FGGY: variants seen among roughly 807,000 people sequenced by gnomAD.
FGGY encodes the protein FGGY carbohydrate kinase domain containing, also known as FGGY carbohydrate kinase domain-containing protein.
A neutral mutation model predicts 71.3 loss-of-function variants in FGGY; 72 were observed. The ratio of observed to expected loss-of-function variants is 1.01; its 90% confidence interval spans 0.84 to 1.23. FGGY has a LOEUF of 1.23. Among genes scored for constraint, FGGY ranks in the 50% most tolerant of loss-of-function variants. The probability of loss-of-function intolerance (pLI) is 0.00; values close to 1 mark genes in which losing one functional copy is unlikely to be tolerated. For missense variants in FGGY, 668 were observed against 682.3 expected, an observed-to-expected ratio of 0.98 and a Z score of 0.23; for synonymous variants, 251 against 250.3, an observed-to-expected ratio of 1.00 and a Z score of -0.02.
At chr1:59,577,964 G>A (rs2096113824) in intron 8 of FGGY, among the ~76,000 whole-genome samples, 1 of 152,104 alleles carries the variant, frequency 6.6e-6, no homozygotes, top group South Asian at 2.1e-4. Flanking sequence ...TCCTATCTTG[G>A]AGGTTTCGAA....
chr1:59,390,563 G>A lies in FGGY; in HGVS notation c.554+11726G>A, dbSNP rs1465653913. Reference sequence around the variant, plus strand: ...TAAACAATCTTCTTAGAAGATCTACGTCATACTTGTGCTTGTATATTATTG... The same window carrying A: ...TAAACAATCTTCTTAGAAGATCTACATCATACTTGTGCTTGTATATTATTG... On this transcript the variant is annotated intron_variant, in intron 5 of 15. Transcript: ENST00000303721. 5.9e-5 allele frequency among the ~76,000 whole-genome samples: 9 copies of A among 152,122 alleles called. 1 individual carries two copies. The highest frequency in any genetic ancestry group is 2.4e-5 in the African/African-American group (1 of 41,422).
chr1:59,761,736 C>G (rs750780802), intron 15 of FGGY, among the ~76,000 whole-genome samples: 1 of 152,186 alleles, frequency 6.6e-6, no homozygotes, highest in Non-Finnish European at 1.5e-5. Flanking sequence ...AAGGCGAGCA[C>G]AGCTCTAGAA....
intron 5 of FGGY, among the ~76,000 whole-genome samples, chr1:59,392,717 C>T (rs556089633): frequency 7.3e-5 from 11 of 151,654 alleles, no homozygotes; most frequent in East Asian, 3.9e-4. Context: ...GTTTCTTTTT[C>T]GAAAAAATAT....
intron 4 of FGGY, among the ~76,000 whole-genome samples, chr1:59,351,895 T>A (rs1038899092): frequency 1.3e-5 from 2 of 151,556 alleles, no homozygotes; most frequent in Non-Finnish European, 2.9e-5. Flanking sequence ...TGGGCAGAAT[T>A]TGGGGTTTTA....
chr1:59,622,796 A>G (rs2096823040), intron 9 of FGGY, among the ~76,000 whole-genome samples: 1 of 152,176 alleles, frequency 6.6e-6, no homozygotes, highest in Admixed American at 6.6e-5. Flanking sequence ...GGGTCCACCC[A>G]TGGGCAAAAA....
chr1:59,654,247 G>A (rs12078756), intron 11 of FGGY, among the ~76,000 whole-genome samples: 11,658 of 152,198 alleles, frequency 0.077, 1,230 homozygotes, highest in African/African-American at 0.24. Context: ...TCTTCCAAGC[G>A]GGTGATTATC....
At chr1:59,602,071 C>A (rs2096583506) in intron 8 of FGGY, among the ~76,000 whole-genome samples, 1 of 152,100 alleles carries the variant, frequency 6.6e-6, no homozygotes, top group Admixed American at 6.5e-5. Context: ...ACCAGCTGGG[C>A]TAGAACAACT....
chr1:59,707,618 G>A (rs1006032737), intron 14 of FGGY, among the ~76,000 whole-genome samples: 1 of 152,164 alleles, frequency 6.6e-6, no homozygotes, highest in Non-Finnish European at 1.5e-5. Flanking sequence ...CAGAATTCTC[G>A]TCACAACAGC....
intron 10 of FGGY, among the ~76,000 whole-genome samples, chr1:59,634,531 T>C (rs894731425): frequency 8.5e-5 from 13 of 152,180 alleles, no homozygotes; most frequent in African/African-American, 3.1e-4. Flanking sequence ...TCTGATTTTT[T>C]GGTTTAAGAG....
intron 14 of FGGY, among the ~76,000 whole-genome samples, chr1:59,746,554 C>T (rs1353945138): frequency 6.6e-6 from 1 of 152,084 alleles, no homozygotes; most frequent in African/African-American, 2.4e-5. Context: ...GTGGCACAAT[C>T]GAGGTTCACT....
At chr1:59,751,238 T>C (rs1427280790) in intron 14 of FGGY, among the ~76,000 whole-genome samples, 1 of 151,428 alleles carries the variant, frequency 6.6e-6, no homozygotes, top group Non-Finnish European at 1.5e-5. Flanking sequence ...TGTCCTAATG[T>C]CCTTTTGAGG....
intron 6 of FGGY, among the ~76,000 whole-genome samples, chr1:59,492,343 A>G (rs1352690184): frequency 6.6e-6 from 1 of 152,202 alleles, no homozygotes; most frequent in African/African-American, 2.4e-5. Flanking sequence ...GGGTACTAAA[A>G]AGATGACTGG....
intron 1 of FGGY, among the ~76,000 whole-genome samples, chr1:59,317,283 G>A (rs534616015): frequency 1.3e-5 from 2 of 152,218 alleles, no homozygotes; most frequent in South Asian, 2.1e-4. Flanking sequence ...TAAACTTGCC[G>A]CAAGAGACTG....
intron 5 of FGGY, among the ~76,000 whole-genome samples, chr1:59,408,738 A>T: frequency 6.6e-6 from 1 of 152,146 alleles, no homozygotes; most frequent in Non-Finnish European, 1.5e-5. Context: ...GGCAGAAAAA[A>T]CAAACGGCTG....
intron 1 of FGGY, among the ~76,000 whole-genome samples, chr1:59,298,811 C>T (rs566536854): frequency 3.9e-5 from 6 of 152,266 alleles, no homozygotes; most frequent in African/African-American, 1.2e-4. Context: ...TCTCACCCGC[C>T]CACCTTTTTA....
At chr1:59,687,721 G>A (rs2153997414) in intron 14 of FGGY, among the ~76,000 whole-genome samples, 1 of 151,752 alleles carries the variant, frequency 6.6e-6, no homozygotes, top group South Asian at 2.1e-4. Context: ...ACCCACCTCG[G>A]CCTCCTAAAG....
chr1:59,579,719 T>C (rs1189086862), intron 8 of FGGY, among the ~76,000 whole-genome samples: 2 of 152,184 alleles, frequency 1.3e-5, no homozygotes, highest in African/African-American at 4.8e-5. Flanking sequence ...CTCCTGACTG[T>C]CTCCCTGTTT....
At chr1:59,401,786 T>C (rs2061996807) in intron 5 of FGGY, among the ~76,000 whole-genome samples, 1 of 152,190 alleles carries the variant, frequency 6.6e-6, no homozygotes, top group Non-Finnish European at 1.5e-5. Context: ...TCATAAGTCA[T>C]GACTCAATGT....
chr1:59,380,627 C>CA lies in FGGY; in HGVS notation c.554+1790_554+1791insA. On this transcript the variant is annotated intron_variant, in intron 5 of 15. Transcript: ENST00000303721. Reference sequence around the variant, plus strand: ...AAGTGTCTGTTCATATCCTTTGCCCCCTTTTTGATGGGGTTGTGTTTTTCT... The same window carrying CA: ...AAGTGTCTGTTCATATCCTTTGCCCCACTTTTTGATGGGGTTGTGTTTTTCT... Among the ~76,000 whole-genome samples, 5 of 151,518 alleles carry CA rather than the reference C, an allele frequency of 3.3e-5. No homozygotes were observed. The South Asian group carries it at 1.0e-3, about 31-fold the overall frequency.
Sources: gnomAD v4.1 joint callset for allele counts (sites outside exome capture counted in the v4.1 genomes callset) on GRCh38, gnomAD v4.1.1 for gene constraint, MANE v1.5 for transcripts, NCBI Gene and HGNC (gene_info 2026-07-23, HGNC 2026-07-21) for gene names.